The following KAT2B variants were observed in gnomAD, a reference collection of about 807,000 sequenced individuals.
KAT2B encodes the protein lysine acetyltransferase 2B, also known as histone acetyltransferase KAT2B.
Under a neutral mutation model 105.9 loss-of-function variants are expected in KAT2B, and 36 were observed. That is an observed-to-expected ratio of 0.34 (90% CI 0.26 to 0.45). The LOEUF is 0.45. Ranked by LOEUF, KAT2B falls within the 20% of genes least tolerant of loss-of-function variation. The pLI, the probability that KAT2B is intolerant of heterozygous loss-of-function variation, is 1.00. For missense variants in KAT2B, 820 were observed against 1,021.6 expected (o/e 0.80, Z 2.69); for synonymous variants, 397 against 377.9 (o/e 1.05, Z -0.59).
chr3:20,135,273 T>C (rs1699580586), intron 11 of KAT2B, among the ~76,000 whole-genome samples: 1 of 152,202 alleles, frequency 6.6e-6, no homozygotes, highest in African/African-American at 2.4e-5. Context: ...CTGTTCTGTT[T>C]ACTAGACATA....
chr3:20,058,451 C>T (rs1268464280), intron 1 of KAT2B, among the ~76,000 whole-genome samples: 1 of 76,708 alleles, frequency 1.3e-5, no homozygotes, highest in African/African-American at 6.5e-5. Context: ...GAGACTCTGT[C>T]TCAAAAAAAA....
At chr3:20,057,920 TA>T (rs1463771358) in intron 1 of KAT2B, among the ~76,000 whole-genome samples, 2 of 152,206 alleles carry the variant, frequency 1.3e-5, no homozygotes, top group Admixed American at 1.3e-4. Context: ...AACTCCAGCA[TA>T]AACACAAGGA....
rs1489426794 is a variant in KAT2B, at chr3:20,040,663, C to T, written c.186C>T (p.Gly62=). 1 of 1,528,188 alleles carries T rather than the reference C, an allele frequency of 6.5e-7. No individual in the cohort carries two copies. The allele number at this position is 1,528,188 out of a possible 1,614,324, so 94.7% of individuals were successfully genotyped here. ...CGPATAVAAA[G]TAEGPGGGGS... ...CGGCGACGGCAGTGGCTGCAGCGGG[C>T]ACGGCCGAAGGACCGGGAGGCGGTG... Residue 62 remains glycine, a synonymous_variant, in exon 1 of 18, where the codon GGC becomes GGT. Coordinates refer to ENST00000263754, the MANE Select transcript of KAT2B (RefSeq NM_003884.5).
At chr3:20,142,865 AT>A (rs142314417) in intron 13 of KAT2B, among the ~76,000 whole-genome samples, 171 of 139,704 alleles carry the variant, frequency 1.2e-3, no homozygotes, top group South Asian at 8.2e-3. Flanking sequence ...ATGAGCAAGC[AT>A]AATTGGGTAT....
intron 11 of KAT2B, among the ~76,000 whole-genome samples, 192 bp from the exon 12 acceptor site, chr3:20,136,750 T>G (rs1335437582): frequency 6.6e-6 from 1 of 152,212 alleles, no homozygotes; most frequent in Non-Finnish European, 1.5e-5. Flanking sequence ...TTGATTTTGT[T>G]TTGGTTTTAT....
intron 14 of KAT2B, chr3:20,146,673 G>A (rs1053402809): frequency 2.2e-5 from 4 of 178,478 alleles, no homozygotes; most frequent in South Asian, 1.3e-4. Context: ...ACCACTTAAT[G>A]AGTCTGCCAT....
At chr3:20,145,220 C>A (rs1699764324) in intron 13 of KAT2B, among the ~76,000 whole-genome samples, 1 of 152,154 alleles carries the variant, frequency 6.6e-6, no homozygotes, top group Non-Finnish European at 1.5e-5. Flanking sequence ...TTATTAAAAT[C>A]AATTTCACCT....
intron 2 of KAT2B, among the ~76,000 whole-genome samples, chr3:20,083,625 A>T (rs1460757376): frequency 1.3e-5 from 2 of 152,226 alleles, no homozygotes; most frequent in South Asian, 2.1e-4. Context: ...GTGGTATTTT[A>T]GGAAGACTAC....
chr3:20,137,084 C>T (rs1699615198), intron 12 of KAT2B, 32 bp downstream of exon 12: 3 of 1,047,096 alleles, frequency 2.9e-6, no homozygotes, highest in Non-Finnish European at 4.5e-6. Flanking sequence ...ACTGTTTTGT[C>T]ACTCCTTTTC....
chr3:20,069,217 A>C (rs1698276166), intron 1 of KAT2B, among the ~76,000 whole-genome samples: 1 of 152,234 alleles, frequency 6.6e-6, no homozygotes, highest in South Asian at 2.1e-4. Flanking sequence ...AGGCTATCTC[A>C]GCAAAGACTA....
intron 1 of KAT2B, among the ~76,000 whole-genome samples, chr3:20,068,244 C>T (rs1223137407): frequency 1.3e-5 from 2 of 151,050 alleles, no homozygotes; most frequent in East Asian, 2.0e-4. Context: ...GATCCGCCTG[C>T]CTCGGCCTCC....
At chr3:20,139,777 A>G (rs1417662032) in intron 12 of KAT2B, among the ~76,000 whole-genome samples, 1 of 149,188 alleles carries the variant, frequency 6.7e-6, no homozygotes, top group Middle Eastern at 3.2e-3. Flanking sequence ...TTTCCTCAGA[A>G]ACATTAAGTT....
intron 12 of KAT2B, 84 bp from the exon 13 acceptor site, chr3:20,140,137 C>G (rs1305095655): frequency 1.1e-6 from 1 of 885,710 alleles, no homozygotes; most frequent in Non-Finnish European, 1.8e-6. Flanking sequence ...GTCTTGATTC[C>G]TCACACAGTG....
At chr3:20,148,058 C>G (rs1253723477) in intron 15 of KAT2B, 59 bp downstream of exon 15, 15 of 1,551,854 alleles carry the variant, frequency 9.7e-6, no homozygotes, top group Non-Finnish European at 1.2e-5. Context: ...CCCCACCAAG[C>G]AACTTAAAGA....
chr3:20,146,429 T>C lies in KAT2B; in HGVS notation c.2118T>C (p.Ile706=), dbSNP rs760585703. ...TTCCTATAGAAAGCATTCCTGGAAT[T>C]AGTACGTATAGACCTTCTTTTAAAA... ...RQIPIESIPG[I]RETGWKPSGK... is the part of the protein sequence containing the mutation. The change falls in exon 14 of 18, where the codon ATT becomes ATC. Residue 706 remains isoleucine (I), a splice_region_variant and synonymous_variant. Transcript: ENST00000263754. 10 of 1,566,718 alleles carry C rather than the reference T, an allele frequency of 6.4e-6. No individual in the cohort carries two copies. Among genetic ancestry groups the C allele is most frequent in the Non-Finnish European group, 8.8e-6 (10 of 1,137,298 alleles).
intron 3 of KAT2B, among the ~76,000 whole-genome samples, chr3:20,099,297 C>T (rs937882444): frequency 2.6e-5 from 4 of 152,200 alleles, no homozygotes; most frequent in Admixed American, 6.5e-5. Context: ...ATTTAGAGCT[C>T]TGCAGACTTT....
At chr3:20,069,953 C>G (rs2623079) in intron 1 of KAT2B, among the ~76,000 whole-genome samples, 56,884 of 152,096 alleles carry the variant, frequency 0.37, 10,817 homozygotes, top group South Asian at 0.48. Flanking sequence ...AGAACATGGC[C>G]TCTGAGATCT....
At chr3:20,106,888 A>G (rs1386720099) in intron 5 of KAT2B, among the ~76,000 whole-genome samples, 2 of 147,084 alleles carry the variant, frequency 1.4e-5, no homozygotes, top group Admixed American at 6.9e-5. Context: ...TGCAAGCCAG[A>G]TATATAATTA....
At chr3:20,043,312 CCTT>C (rs949075154) in intron 1 of KAT2B, among the ~76,000 whole-genome samples, 1 of 152,120 alleles carries the variant, frequency 6.6e-6, no homozygotes, top group African/African-American at 2.4e-5. Flanking sequence ...CAGAATTTGT[CCTT>C]CAGGAGTTAC....
Sources: gnomAD v4.1 joint callset for allele counts (sites outside exome capture counted in the v4.1 genomes callset) on GRCh38, gnomAD v4.1.1 for gene constraint, MANE v1.5 for transcripts, NCBI Gene and HGNC (gene_info 2026-07-23, HGNC 2026-07-21) for gene names.